PPARGC1A: variants seen among roughly 807,000 people sequenced by gnomAD.
PPARGC1A encodes the protein peroxisome proliferator-activated receptor gamma coactivator 1-alpha.
A neutral mutation model predicts 88.7 loss-of-function variants in PPARGC1A; 25 were observed. That is an observed-to-expected ratio of 0.28 (90% CI 0.21 to 0.39). PPARGC1A has a LOEUF of 0.39. Among genes scored for constraint, PPARGC1A ranks in the 10% least tolerant of loss-of-function variants. The pLI, the probability that PPARGC1A is intolerant of heterozygous loss-of-function variation, is 1.00. For missense variants in PPARGC1A, 880 were observed against 968.7 expected (o/e 0.91, Z 1.22); for synonymous variants, 363 against 355.6 (o/e 1.02, Z -0.24).
the PPARGC1A span, among the ~76,000 whole-genome samples, chr4:24,236,919 G>C: frequency 6.6e-6 from 1 of 152,188 alleles, no homozygotes; most frequent in South Asian, 2.1e-4. Context: ...AGGCCAATAA[G>C]AAATTAACAT....
chr4:24,207,936 A>G, the PPARGC1A span, among the ~76,000 whole-genome samples: 2 of 152,274 alleles, frequency 1.3e-5, no homozygotes, highest in East Asian at 1.9e-4. Flanking sequence ...CTGCCCTTCC[A>G]TTGGCTAGAT....
the PPARGC1A span, among the ~76,000 whole-genome samples, chr4:24,118,590 A>G: frequency 6.6e-6 from 1 of 152,182 alleles, no homozygotes; most frequent in Admixed American, 6.5e-5. Context: ...TTTAGTAACC[A>G]CGTGATCTCT....
rs374822736 is a variant in PPARGC1A at position 23,884,761 on chromosome 4, G to A, written c.225C>T (p.Asn75=). 1.2e-6 allele frequency: 2 copies of A among 1,609,608 alleles called. No homozygotes were observed. The highest frequency in any genetic ancestry group is 1.7e-6 in the Non-Finnish European group (2 of 1,177,784). ...CAAAGGATGTCCTTACCTCAAATAT[G>A]TTTGAAGGCTCATTGTTGTACTGAT... ...ISNQYNNEPS[N]IFEKIDEENE... is the part of the protein sequence containing the mutation. The change falls in exon 2 of 13, where the codon AAC becomes AAT. Residue 75 remains asparagine (N), a synonymous_variant. Transcript: ENST00000264867.
At chr4:24,060,797 G>A in the PPARGC1A span, among the ~76,000 whole-genome samples, 1 of 152,116 alleles carries the variant, frequency 6.6e-6, no homozygotes, top group Non-Finnish European at 1.5e-5. Flanking sequence ...TAAGAGCACT[G>A]GGCACGTATT....
the PPARGC1A span, among the ~76,000 whole-genome samples, chr4:24,354,765 T>C: frequency 0.17 from 26,572 of 151,928 alleles, 2,464 homozygotes; most frequent in Non-Finnish European, 0.2. Flanking sequence ...CAGGCGCCTG[T>C]AGTCCCAGCT....
intron 10 of PPARGC1A, among the ~76,000 whole-genome samples, chr4:23,806,448 A>T (rs1171472840): frequency 6.6e-6 from 1 of 152,232 alleles, no homozygotes; most frequent in East Asian, 1.9e-4. Flanking sequence ...AGGAGATGAA[A>T]GGAAAAGAAA....
the PPARGC1A span, among the ~76,000 whole-genome samples, chr4:24,174,260 TTC>T: frequency 6.6e-6 from 1 of 152,214 alleles, no homozygotes; most frequent in South Asian, 2.1e-4. Context: ...CCTTTGCAGG[TTC>T]TGTGTCATCA....
the PPARGC1A span, among the ~76,000 whole-genome samples, chr4:24,179,035 T>A: frequency 6.6e-6 from 1 of 150,876 alleles, no homozygotes; most frequent in East Asian, 1.9e-4. Context: ...TCTTTCTTTG[T>A]GCTAGGACTA....
At chr4:24,462,254 T>A in the PPARGC1A span, among the ~76,000 whole-genome samples, 1 of 14,152 alleles carries the variant, frequency 7.1e-5, no homozygotes, top group Non-Finnish European at 1.4e-4. Flanking sequence ...CCCGGCTAAA[T>A]TTTTTTTTTT....
the PPARGC1A span, among the ~76,000 whole-genome samples, chr4:24,252,276 C>T: frequency 6.6e-6 from 1 of 152,150 alleles, no homozygotes; most frequent in South Asian, 2.1e-4. Flanking sequence ...CTGAGCCCCT[C>T]CCCAGATCTA....
At chr4:24,302,672 G>A in the PPARGC1A span, among the ~76,000 whole-genome samples, 1 of 152,210 alleles carries the variant, frequency 6.6e-6, no homozygotes, top group Non-Finnish European at 1.5e-5. Context: ...GGCCAGGCAG[G>A]GCATTCCGTA....
At chr4:24,025,766 T>C in the PPARGC1A span, among the ~76,000 whole-genome samples, 2 of 151,748 alleles carry the variant, frequency 1.3e-5, no homozygotes, top group African/African-American at 4.8e-5. Flanking sequence ...TAATGTTCAG[T>C]GAAGGAGGAG....
chr4:24,252,845 AT>A, the PPARGC1A span, among the ~76,000 whole-genome samples: 13 of 151,990 alleles, frequency 8.6e-5, no homozygotes, highest in Admixed American at 5.9e-4. Flanking sequence ...ATTATCAGAA[AT>A]TTTTTTTTCC....
chr4:23,874,354 G>T (rs1413060307), intron 2 of PPARGC1A, among the ~76,000 whole-genome samples: 1 of 152,128 alleles, frequency 6.6e-6, no homozygotes, highest in Non-Finnish European at 1.5e-5. Context: ...GTGTGACTGC[G>T]ACCAAAATGG....
chr4:24,102,147 T>C, the PPARGC1A span, among the ~76,000 whole-genome samples: 1 of 152,186 alleles, frequency 6.6e-6, no homozygotes, highest in Non-Finnish European at 1.5e-5. Flanking sequence ...AAGAGCAGCA[T>C]GGAGACCCTG....
chr4:24,163,550 C>G, the PPARGC1A span, among the ~76,000 whole-genome samples: 11 of 152,118 alleles, frequency 7.2e-5, no homozygotes, highest in African/African-American at 2.7e-4. Flanking sequence ...TTGCCCCATA[C>G]TCACCAAAGG....
intron 2 of PPARGC1A, among the ~76,000 whole-genome samples, chr4:23,869,491 A>G (rs762312219): frequency 2.6e-5 from 4 of 152,154 alleles, no homozygotes; most frequent in Non-Finnish European, 5.9e-5. Flanking sequence ...GAGTTTGGAT[A>G]GAGAAGATAC....
chr4:24,079,083 T>A, the PPARGC1A span, among the ~76,000 whole-genome samples: 1 of 152,118 alleles, frequency 6.6e-6, no homozygotes, highest in Non-Finnish European at 1.5e-5. Context: ...TTATTATAAA[T>A]AGCATCAAAA....
chr4:24,067,762 G>A, the PPARGC1A span, among the ~76,000 whole-genome samples: 1 of 152,186 alleles, frequency 6.6e-6, no homozygotes, highest in Non-Finnish European at 1.5e-5. Flanking sequence ...TAAAAGTCTC[G>A]AAGCTGATTA....
Sources: gnomAD v4.1 joint callset for allele counts (sites outside exome capture counted in the v4.1 genomes callset) on GRCh38, gnomAD v4.1.1 for gene constraint, MANE v1.5 for transcripts, NCBI Gene and HGNC (gene_info 2026-07-23, HGNC 2026-07-21) for gene names.